GKAP1: variants seen among roughly 807,000 people sequenced by gnomAD.
GKAP1 encodes the protein G kinase anchoring protein 1, also known as G kinase-anchoring protein 1.
Under a neutral mutation model 56.7 loss-of-function variants are expected in GKAP1, and 31 were observed. The ratio of observed to expected loss-of-function variants is 0.55; its 90% CI spans 0.41 to 0.74. The LOEUF (loss-of-function observed/expected upper bound fraction) is 0.74. GKAP1 is among the 30% of genes least tolerant of loss of function. The probability of loss-of-function intolerance (pLI) is 0.00; values close to 1 mark genes in which losing one functional copy is unlikely to be tolerated. For synonymous variants in GKAP1, 151 were observed against 138.6 expected (o/e 1.09, Z -0.63); for missense variants, 364 against 402.3 (o/e 0.90, Z 0.82).
intron 4 of GKAP1, among the ~76,000 whole-genome samples, chr9:83,797,022 G>T (rs1416988393): frequency 2.0e-5 from 3 of 152,040 alleles, no homozygotes; most frequent in Non-Finnish European, 4.4e-5. Context: ...CCTTCATGTG[G>T]CAGAAACTTT....
chr9:83,804,454 T>C (rs1481292564), intron 3 of GKAP1, among the ~76,000 whole-genome samples: 1 of 118,300 alleles, frequency 8.5e-6, no homozygotes, highest in East Asian at 3.0e-4. Context: ...GGGGCGCCTC[T>C]GCCCGGCCAC....
At chr9:83,815,573 A>AACACACACAC (rs377376142) in intron 2 of GKAP1, among the ~76,000 whole-genome samples, 31 of 149,412 alleles carry the variant, frequency 2.1e-4, no homozygotes, top group African/African-American at 7.4e-4. Context: ...AACTTCAGAA[A>AACACACACAC]ACACACACAC....
At chr9:83,772,637 T>TA (rs1282506013) in intron 7 of GKAP1, among the ~76,000 whole-genome samples, 1 of 151,972 alleles carries the variant, frequency 6.6e-6, no homozygotes, top group Non-Finnish European at 1.5e-5. Flanking sequence ...TTTGTATCAA[T>TA]AAAAAATTAA....
chr9:83,781,510 C>G (rs1339071403), intron 6 of GKAP1, among the ~76,000 whole-genome samples: 1 of 152,172 alleles, frequency 6.6e-6, no homozygotes, highest in East Asian at 1.9e-4. Flanking sequence ...AATCTAAAAG[C>G]TGGTCCAGTT....
chr9:83,796,323 T>C (rs1944246725), intron 4 of GKAP1, among the ~76,000 whole-genome samples: 1 of 152,232 alleles, frequency 6.6e-6, no homozygotes, highest in Admixed American at 6.5e-5. Context: ...TGTTCCAATC[T>C]ATCATGTCAA....
intron 5 of GKAP1, among the ~76,000 whole-genome samples, chr9:83,786,554 G>C (rs974162224): frequency 8.2e-5 from 12 of 146,356 alleles, no homozygotes; most frequent in African/African-American, 2.7e-4. Flanking sequence ...AAAAAAAAAA[G>C]AAAAAAGAAG....
intron 7 of GKAP1, among the ~76,000 whole-genome samples, chr9:83,773,877 TTCACA>T (rs1251740528): frequency 1.3e-5 from 2 of 152,234 alleles, no homozygotes; most frequent in Non-Finnish European, 2.9e-5. Flanking sequence ...TCGAAATTCT[TTCACA>T]TGCAGCTATA....
chr9:83,772,960 A>G (rs1943788255), intron 7 of GKAP1, among the ~76,000 whole-genome samples: 1 of 152,158 alleles, frequency 6.6e-6, no homozygotes, highest in South Asian at 2.1e-4. Context: ...AGGAGCTAGA[A>G]CTCTCATATA....
In GKAP1 at chr9:83,774,701, C is replaced by CTTTTTTTTTTTTTTT. The variant is rs1564199151; in HGVS notation, c.585+5680_585+5681insAAAAAAAAAAAAAAA. On this transcript the variant is annotated intron_variant, in intron 7 of 12. Coordinates refer to ENST00000376371, the MANE Select transcript of GKAP1 (RefSeq NM_025211.4). ...AGAAACTATCAATAAACAGAAACCC[C>CTTTTTTTTTTTTTTT]CTTTTTTTTTTTTTTTTTTTTTTTT... Among the ~76,000 whole-genome samples, 3 of 100,942 alleles carry CTTTTTTTTTTTTTTT rather than the reference C, an allele frequency of 3.0e-5. 1 individual carries two copies. The highest frequency in any genetic ancestry group is 4.1e-5 in the Non-Finnish European group (2 of 49,358). 66.2% of individuals were successfully genotyped at this position (100,942 alleles called of 152,430 possible).
At chr9:83,780,753 C>T (rs1038578045) in intron 6 of GKAP1, among the ~76,000 whole-genome samples, 2 of 151,972 alleles carry the variant, frequency 1.3e-5, no homozygotes, top group African/African-American at 4.8e-5. Flanking sequence ...CAAGGGGACA[C>T]AAGTATGTCC....
At chr9:83,750,329 T>TA (rs1943367120) in intron 9 of GKAP1, among the ~76,000 whole-genome samples, 1 of 152,202 alleles carries the variant, frequency 6.6e-6, no homozygotes, top group African/African-American at 2.4e-5. Context: ...ACAAAGTTGA[T>TA]AAAATTAAAT....
rs1216603064 is a variant in GKAP1, at chr9:83,742,531, T to C, written c.974A>G (p.Gln325Arg). 6.2e-7 allele frequency: 1 copy of C among 1,606,704 alleles called. No individual in the cohort carries two copies. The highest frequency in any genetic ancestry group is 1.1e-5 in the South Asian group (1 of 90,760). Residue 325 changes from glutamine (Q) to arginine (R), a missense_variant and splice_region_variant, in exon 11 of 13, where the codon CAG becomes CGG. Transcript: ENST00000376371. Reference protein sequence around the residue: ...SQSIKNELTIQVTSLHAALEQ... With the variant: ...SQSIKNELTIRVTSLHAALEQ... ...CATGTATGCTCCACAGTTCCTTACC[T>C]GAATAGTGAGCTCATTCTTGATACT...
intron 5 of GKAP1, among the ~76,000 whole-genome samples, chr9:83,785,635 G>C (rs1228652545): frequency 6.6e-6 from 1 of 152,102 alleles, no homozygotes; most frequent in Non-Finnish European, 1.5e-5. Flanking sequence ...ACTAGGTCTT[G>C]TTTAACTTAT....
At chr9:83,778,683 C>T (rs1943902700) in intron 7 of GKAP1, among the ~76,000 whole-genome samples, 1 of 151,098 alleles carries the variant, frequency 6.6e-6, no homozygotes, top group South Asian at 2.1e-4. Flanking sequence ...CACATGTACC[C>T]CTGAACTTTA....
chr9:83,740,123 T>C (rs1253282265), intron 12 of GKAP1, among the ~76,000 whole-genome samples: 2 of 152,214 alleles, frequency 1.3e-5, no homozygotes, highest in Non-Finnish European at 2.9e-5. Flanking sequence ...TTCAGTTCAT[T>C]ACCTTTTGGG....
chr9:83,745,161 G>A (rs1001953102), intron 10 of GKAP1, among the ~76,000 whole-genome samples: 1 of 152,060 alleles, frequency 6.6e-6, no homozygotes, highest in Non-Finnish European at 1.5e-5. Context: ...CTTCCAAGCA[G>A]CTGGGACCAT....
intron 7 of GKAP1, among the ~76,000 whole-genome samples, chr9:83,772,765 G>T (rs1335019998): frequency 6.6e-6 from 1 of 152,024 alleles, no homozygotes; most frequent in East Asian, 1.9e-4. Context: ...ACACAAAAAT[G>T]AGCAAAAAAT....
chr9:83,758,933 G>A (rs1943522885), intron 8 of GKAP1, among the ~76,000 whole-genome samples: 1 of 151,946 alleles, frequency 6.6e-6, no homozygotes, highest in African/African-American at 2.4e-5. Flanking sequence ...GAGAAGTGGA[G>A]AATTTTTTAA....
intron 7 of GKAP1, among the ~76,000 whole-genome samples, chr9:83,775,648 G>A (rs530233371): frequency 4.4e-4 from 67 of 151,856 alleles, no homozygotes; most frequent in African/African-American, 1.6e-3. Context: ...GGCCAAGGCC[G>A]GTAGATCACT....
Sources: gnomAD v4.1 joint callset for allele counts (sites outside exome capture counted in the v4.1 genomes callset) on GRCh38, gnomAD v4.1.1 for gene constraint, MANE v1.5 for transcripts, NCBI Gene and HGNC (gene_info 2026-07-23, HGNC 2026-07-21) for gene names.